The following C7orf33 variants were observed in gnomAD, a reference collection of about 807,000 sequenced individuals.
C7orf33 encodes uncharacterized protein C7orf33.
C7orf33 carries 15 observed loss-of-function variants against 13.4 expected under a neutral mutation model. The observed-to-expected ratio is 1.12, with a 90% CI of 0.75 to 1.72. The LOEUF is 1.72. Among genes scored for constraint, C7orf33 ranks in the 40% most tolerant of loss-of-function variants. The pLI, the probability that C7orf33 is intolerant of heterozygous loss-of-function variation, is 0.00. For missense variants in C7orf33, 187 were observed against 220.3 expected, an observed-to-expected ratio of 0.85 and a Z score of 0.96; for synonymous variants, 73 against 83.2, an observed-to-expected ratio of 0.88 and a Z score of 0.67.
At position 148,593,318 on chromosome 7, in the gene C7orf33, A is replaced by G. The variant is rs1157541599; in HGVS notation, c.204+2189A>G. Among the ~76,000 whole-genome samples, 3 of 152,280 alleles carry G rather than the reference A, an allele frequency of 2.0e-5. No homozygotes were observed. The South Asian group carries it at 6.2e-4, about 32-fold the overall frequency. On this transcript the variant is annotated intron_variant, in intron 1 of 2. Coordinates refer to ENST00000307003, the MANE Select transcript of C7orf33 (RefSeq NM_145304.4). ...GCTCTTGTTACCCAGGCTGGAGTGC[A>G]ATGGCTCAATCTTGGCTCACTGCAA...
chr7:148,591,952 G>A (rs754254239), intron 1 of C7orf33, among the ~76,000 whole-genome samples: 6 of 152,106 alleles, frequency 3.9e-5, no homozygotes, highest in Non-Finnish European at 8.8e-5. Flanking sequence ...GGCATTTTTG[G>A]TTAAAGTATG....
intron 1 of C7orf33, among the ~76,000 whole-genome samples, chr7:148,606,889 C>T (rs1199822862): frequency 6.7e-6 from 1 of 149,086 alleles, no homozygotes. Context: ...GTCTGGCCAC[C>T]TCATAAGGTT....
chr7:148,601,645 G>A (rs1283005929), intron 1 of C7orf33, among the ~76,000 whole-genome samples: 5 of 152,028 alleles, frequency 3.3e-5, no homozygotes, highest in Non-Finnish European at 5.9e-5. Context: ...CCTCGGATGG[G>A]CCTTTTTAAG....
rs13236070 is a variant in C7orf33, at chr7:148,595,412, C to G, written c.204+4283C>G. 4.0e-3 allele frequency among the ~76,000 whole-genome samples: 429 copies of G among 106,734 alleles called. 1 individual carries two copies. The highest frequency in any genetic ancestry group is 0.014 in the African/African-American group (402 of 27,960). The allele number at this position is 106,734 out of a possible 152,430, so 70.0% of individuals were successfully genotyped here. ...TAGATATATCATAGATAATATAGAT[C>G]TATATTATATAGATATATCTATATA... On this transcript the variant is annotated intron_variant, in intron 1 of 2. Coordinates refer to ENST00000307003, the MANE Select transcript of C7orf33 (RefSeq NM_145304.4).
chr7:148,594,275 G>C (rs59060301), intron 1 of C7orf33, among the ~76,000 whole-genome samples: 1 of 149,900 alleles, frequency 6.7e-6, no homozygotes, highest in Non-Finnish European at 1.5e-5. Context: ...TCCCGGGTTC[G>C]TGCCATTCTC....
intron 1 of C7orf33, among the ~76,000 whole-genome samples, chr7:148,604,163 G>A (rs1228572543): frequency 1.4e-5 from 2 of 138,538 alleles, no homozygotes; most frequent in Non-Finnish European, 3.1e-5. Context: ...GTCTCACTCT[G>A]TTGCCCAGAC....
At chr7:148,602,238 G>A (rs1292869705) in intron 1 of C7orf33, among the ~76,000 whole-genome samples, 1 of 151,546 alleles carries the variant, frequency 6.6e-6, no homozygotes, top group African/African-American at 2.4e-5. Context: ...AAGATAAAGG[G>A]CATCTACAGC....
In C7orf33 at chr7:148,608,081, C is replaced by G. The variant is rs7796033; in HGVS notation, c.205-5961C>G. Among the ~76,000 whole-genome samples the G allele has an allele frequency of 5.6e-3, 859 of 152,272 alleles. 7 individuals carry two copies. Among genetic ancestry groups the G allele is most frequent in the African/African-American group, 0.019 (792 of 41,562 alleles). ...ATGAAGGAAAATGAGATCTTTCTACCCAGAAAGACAAGTGCTTGGAAATTG... is the reference window on the plus strand; with the variant it reads ...ATGAAGGAAAATGAGATCTTTCTACGCAGAAAGACAAGTGCTTGGAAATTG... On this transcript the variant is annotated intron_variant, in intron 1 of 2. Coordinates refer to ENST00000307003, the MANE Select transcript of C7orf33 (RefSeq NM_145304.4).
At chr7:148,612,222 T>C (rs2116904000) in intron 1 of C7orf33, among the ~76,000 whole-genome samples, 1 of 152,330 alleles carries the variant, frequency 6.6e-6, no homozygotes, top group South Asian at 2.1e-4. Flanking sequence ...TTAATTTCCA[T>C]TGCTGTTTTC....
chr7:148,611,723 C>T (rs1796545730), intron 1 of C7orf33, among the ~76,000 whole-genome samples: 1 of 152,260 alleles, frequency 6.6e-6, no homozygotes, highest in Non-Finnish European at 1.5e-5. Context: ...CTGATTAGCA[C>T]ACAAGCCATC....
chr7:148,614,941 A>T (rs1382144302), intron 2 of C7orf33, among the ~76,000 whole-genome samples: 2 of 152,252 alleles, frequency 1.3e-5, no homozygotes, highest in Non-Finnish European at 2.9e-5. Flanking sequence ...AAAATGCTAA[A>T]GTTCTAAGCA....
intron 1 of C7orf33, among the ~76,000 whole-genome samples, chr7:148,608,142 C>A (rs1796494110): frequency 6.6e-6 from 1 of 152,176 alleles, no homozygotes; most frequent in African/African-American, 2.4e-5. Flanking sequence ...CAATAATGAG[C>A]CCCAGGCTGG....
chr7:148,596,290 C>G (rs1397527253), intron 1 of C7orf33, among the ~76,000 whole-genome samples: 1 of 152,132 alleles, frequency 6.6e-6, no homozygotes, highest in Non-Finnish European at 1.5e-5. Context: ...AACTGATGAA[C>G]CAACATTGAT....
rs138352294 is a variant in C7orf33 at position 148,602,422 on chromosome 7, C to A, written c.204+11293C>A. 7.4e-3 allele frequency among the ~76,000 whole-genome samples: 1,126 copies of A among 152,038 alleles called. 17 individuals carry two copies. Among genetic ancestry groups the A allele is most frequent in the African/African-American group, 0.026 (1,074 of 41,454 alleles). On this transcript the variant is annotated intron_variant, in intron 1 of 2. Coordinates refer to ENST00000307003, the MANE Select transcript of C7orf33 (RefSeq NM_145304.4). ...GACCAGCCTAGCCAACATAGTGAAA[C>A]CCCATCTCTACTAAAAATACAAAAA...
rs1009969124 is a variant in C7orf33 at position 148,591,121 on chromosome 7, A to C, written c.196A>C (p.Arg66=). Residue 66 remains arginine (R), a synonymous_variant, in exon 1 of 3, where the codon AGA becomes CGA. Coordinates refer to ENST00000307003, the MANE Select transcript of C7orf33 (RefSeq NM_145304.4). ...GQFNLSYATG[R]HKKPNPHQNM... Reference sequence around the variant, plus strand: ...ATTTAACTTGTCATATGCCACGGGAAGACATAAGGTAAGTTAATGATTCTA... The same window carrying C: ...ATTTAACTTGTCATATGCCACGGGACGACATAAGGTAAGTTAATGATTCTA... 1 of 1,613,188 alleles carries C rather than the reference A, an allele frequency of 6.2e-7. No individual in the cohort carries two copies. The highest frequency in any genetic ancestry group is 8.5e-7 in the Non-Finnish European group (1 of 1,179,468).
chr7:148,594,794 A>C (rs1391759422), intron 1 of C7orf33, among the ~76,000 whole-genome samples: 1 of 152,148 alleles, frequency 6.6e-6, no homozygotes, highest in East Asian at 1.9e-4. Context: ...TTACAGAGTG[A>C]GGTTTGGCAT....
rs369973341 is a variant in C7orf33, at chr7:148,596,995, A to G, written c.204+5866A>G. On this transcript the variant is annotated intron_variant, in intron 1 of 2. Transcript: ENST00000307003. Reference sequence around the variant, plus strand: ...CAGCCTTTCCATGACTTGATAGCCCATTTCCTTTTAGTGCTGAGTAATATT... The same window carrying G: ...CAGCCTTTCCATGACTTGATAGCCCGTTTCCTTTTAGTGCTGAGTAATATT... 1.6e-4 allele frequency among the ~76,000 whole-genome samples: 24 copies of G among 152,058 alleles called. No individual in the cohort carries two copies. In the East Asian group the frequency reaches 3.3e-3, roughly 21 times the overall value.
chr7:148,593,367 A>G (rs951701914), intron 1 of C7orf33, among the ~76,000 whole-genome samples: 5 of 152,118 alleles, frequency 3.3e-5, no homozygotes, highest in African/African-American at 1.2e-4. Context: ...GATTCAAGTA[A>G]TTCTCCTGCC....
At chr7:148,609,103 G>GAA (rs59392988) in intron 1 of C7orf33, among the ~76,000 whole-genome samples, 8 of 131,384 alleles carry the variant, frequency 6.1e-5, no homozygotes, top group Admixed American at 1.6e-4. Flanking sequence ...ACGTTATTTT[G>GAA]AAAAAAAAAA....
Sources: allele counts gnomAD v4.1 joint callset (sites outside exome capture counted in the v4.1 genomes callset), GRCh38; gene constraint gnomAD v4.1.1; transcripts MANE v1.5; gene names NCBI Gene and HGNC (gene_info 2026-07-23, HGNC 2026-07-21).